RAB33A: variants seen among roughly 807,000 people sequenced by gnomAD.
The protein encoded by RAB33A is RAB33A, member RAS oncogene family.
Under a neutral mutation model 12.0 loss-of-function variants are expected in RAB33A, and 6 were observed. That is an observed-to-expected ratio of 0.50 (90% CI 0.27 to 0.99). The LOEUF (loss-of-function observed/expected upper bound fraction) is 0.99, where lower values mean the gene tolerates loss of function less well. Ranked by LOEUF, RAB33A falls within the 50% of genes least tolerant of loss-of-function variation. The pLI, the probability that RAB33A is intolerant of heterozygous loss-of-function variation, is 0.11. For missense variants in RAB33A, 109 were observed against 192.0 expected (o/e 0.57, Z 2.55); for synonymous variants, 70 against 82.4 (o/e 0.85, Z 0.81).
intron 1 of RAB33A, among the ~76,000 whole-genome samples, chrX:130,175,633 A>G (rs1318194199): frequency 9.3e-6 from 1 of 107,565 alleles, no homozygotes; most frequent in African/African-American, 3.4e-5. Flanking sequence ...AGTAGCTGGG[A>G]TTATAGGCAC....
the RAB33A span, among the ~76,000 whole-genome samples, chrX:130,160,871 C>T: frequency 9.5e-6 from 1 of 104,799 alleles, no homozygotes; most frequent in Non-Finnish European, 1.9e-5. Context: ...GGTGAAACCC[C>T]GTCTCTACTT....
At chrX:130,145,417 C>T in the RAB33A span, 2 of 862,440 alleles carry the variant, frequency 2.3e-6, no homozygotes, top group Non-Finnish European at 3.5e-6. Flanking sequence ...AAACACACAT[C>T]ACCATACTGG....
chrX:130,158,236 A>G, the RAB33A span, among the ~76,000 whole-genome samples: 1 of 111,196 alleles, frequency 9.0e-6, no homozygotes, highest in Non-Finnish European at 1.9e-5. Flanking sequence ...CGCACTCCAG[A>G]CTGGGCAACG....
chrX:130,146,451 A>ATGTGTGTGTGTG, the RAB33A span, among the ~76,000 whole-genome samples: 66 of 89,441 alleles, frequency 7.4e-4, no homozygotes, highest in African/African-American at 2.3e-3. Flanking sequence ...CTCTCAAAAT[A>ATGTGTGTGTGTG]TGTGTGTGTG....
At chrX:130,111,134 T>G in the RAB33A span, among the ~76,000 whole-genome samples, 1 of 105,461 alleles carries the variant, frequency 9.5e-6, no homozygotes, top group Admixed American at 9.8e-5. Flanking sequence ...GGCCTCTCAT[T>G]CCCCTCGCGG....
chrX:130,116,578 C>T, the RAB33A span, among the ~76,000 whole-genome samples: 1 of 112,390 alleles, frequency 8.9e-6, no homozygotes, highest in Admixed American at 9.4e-5. Context: ...AGGCGTAAGC[C>T]ATCGCGCCTG....
chrX:130,156,630 A>G, the RAB33A span: 1 of 1,201,010 alleles, frequency 8.3e-7, no homozygotes, highest in East Asian at 3.0e-5. Flanking sequence ...ATTAAGACAC[A>G]CACATACAAA....
chrX:130,140,683 G>A, the RAB33A span: 1 of 841,918 alleles, frequency 1.2e-6, no homozygotes, highest in Non-Finnish European at 1.8e-6. Flanking sequence ...GTTTTATTGA[G>A]ATATAATTCA....
At chrX:130,169,397 TC>T (rs2031581452), upstream of RAB33A, among the ~76,000 whole-genome samples, 2 of 111,489 alleles carry the variant, frequency 1.8e-5, no homozygotes, top group South Asian at 7.4e-4. Context: ...ATCATGATAA[TC>T]AGGTACCTAT....
At chrX:130,154,916 TTAA>T in the RAB33A span, among the ~76,000 whole-genome samples, 128 of 112,263 alleles carry the variant, frequency 1.1e-3, 1 homozygote, top group African/African-American at 4.0e-3. Flanking sequence ...AAAGAAAGAG[TTAA>T]TGATGAGGAT....
upstream of RAB33A, among the ~76,000 whole-genome samples, chrX:130,169,662 C>T (rs936468257): frequency 2.7e-5 from 3 of 112,291 alleles, no homozygotes; most frequent in African/African-American, 9.7e-5. Flanking sequence ...GCAAGAAGCC[C>T]ATTTTGAGAT....
the RAB33A span, among the ~76,000 whole-genome samples, chrX:130,147,163 C>G: frequency 9.0e-6 from 1 of 111,164 alleles, no homozygotes; most frequent in Admixed American, 9.6e-5. Flanking sequence ...GACTCCATCT[C>G]AAAAAATAAA....
upstream of RAB33A, among the ~76,000 whole-genome samples, chrX:130,169,208 A>G (rs1408248605): frequency 3.0e-5 from 1 of 33,344 alleles, no homozygotes; most frequent in Non-Finnish European, 5.1e-5. Flanking sequence ...ACTCCATCTC[A>G]AAAAAAAAAA....
chrX:130,118,602 C>T, the RAB33A span, among the ~76,000 whole-genome samples: 2 of 112,400 alleles, frequency 1.8e-5, no homozygotes, highest in Admixed American at 1.9e-4. Flanking sequence ...AGTCACTTCA[C>T]GGAATGTCTA....
chrX:130,142,921 G>A, the RAB33A span, among the ~76,000 whole-genome samples: 1 of 111,758 alleles, frequency 8.9e-6, no homozygotes, highest in African/African-American at 3.3e-5. Context: ...TATCTGAACC[G>A]CCAAATCTCA....
the RAB33A span, among the ~76,000 whole-genome samples, chrX:130,160,280 A>T: frequency 8.9e-6 from 1 of 111,889 alleles, no homozygotes; most frequent in Non-Finnish European, 1.9e-5. Context: ...AATTTTAGGA[A>T]ATATTACATC....
At chrX:130,146,473 GTGTGT>G in the RAB33A span, among the ~76,000 whole-genome samples, 1 of 108,107 alleles carries the variant, frequency 9.3e-6, no homozygotes, top group Admixed American at 1.0e-4. Flanking sequence ...GTGTGTGTGT[GTGTGT>G]GTGTGTGTGT....
At chrX:130,113,077 C>CTTTTTTTTTTTT in the RAB33A span, among the ~76,000 whole-genome samples, 12 of 46,990 alleles carry the variant, frequency 2.6e-4, no homozygotes, top group African/African-American at 3.8e-4. Flanking sequence ...TTTTTTCCTT[C>CTTTTTTTTTTTT]TTTTTTTTTT....
the RAB33A span, among the ~76,000 whole-genome samples, chrX:130,153,899 T>C: frequency 8.9e-6 from 1 of 112,234 alleles, no homozygotes; most frequent in Non-Finnish European, 1.9e-5. Flanking sequence ...TGTTTTGTTA[T>C]GGCAGCCCAA....
Sources: allele counts gnomAD v4.1 joint callset (sites outside exome capture counted in the v4.1 genomes callset), GRCh38; gene constraint gnomAD v4.1.1; transcripts MANE v1.5; gene names NCBI Gene and HGNC (gene_info 2026-07-23, HGNC 2026-07-21).